Variants in MACROD2 observed in about 807,000 individuals in gnomAD.
MACROD2 encodes the protein mono-ADP ribosylhydrolase 2.
Under a neutral mutation model 70.4 loss-of-function variants are expected in MACROD2, and 36 were observed. The ratio of observed to expected loss-of-function variants is 0.51; its 90% confidence interval spans 0.39 to 0.68. MACROD2 has a LOEUF of 0.68. Ranked by LOEUF, MACROD2 falls within the 30% of genes least tolerant of loss-of-function variation. The pLI is 0.00. For missense variants in MACROD2, 496 were observed against 538.4 expected (o/e 0.92, Z 0.78); for synonymous variants, 172 against 178.8 (o/e 0.96, Z 0.30).
At chr20:14,224,103 A>T (rs1320329366) in intron 3 of MACROD2, among the ~76,000 whole-genome samples, 1 of 133,538 alleles carries the variant, frequency 7.5e-6, no homozygotes, top group Non-Finnish European at 1.6e-5. Flanking sequence ...ACTCCAAGTC[A>T]ACTGATTTAA....
At chr20:14,677,049 C>T (rs1472544391) in intron 4 of MACROD2, among the ~76,000 whole-genome samples, 1 of 152,106 alleles carries the variant, frequency 6.6e-6, no homozygotes, top group Non-Finnish European at 1.5e-5. Context: ...CATTACTGTA[C>T]AGTACCTGAT....
intron 3 of MACROD2, among the ~76,000 whole-genome samples, chr20:14,401,975 C>A (rs1046997849): frequency 1.3e-5 from 2 of 152,058 alleles, no homozygotes; most frequent in African/African-American, 2.4e-5. Context: ...TGCCAACAAA[C>A]CAGAGATTTT....
intron 10 of MACROD2, among the ~76,000 whole-genome samples, chr20:15,910,237 G>C (rs2065215936): frequency 6.6e-6 from 1 of 152,170 alleles, no homozygotes; most frequent in Non-Finnish European, 1.5e-5. Context: ...TGTCTATGCA[G>C]CTCCACTAAA....
rs745559008 is a variant in MACROD2 at position 14,326,072 on chromosome 20, T to C, written c.272-167407T>C. ...AGGTTGCTGGTTTCCATGGGAACCA[T>C]GCATACTTTATAGGGTGAATCAGGC... On this transcript the variant is annotated intron_variant, in intron 3 of 17. Transcript: ENST00000684519. This position sits in a 1 kb window ranked among gnomAD's most constrained non-coding sequence, Gnocchi z 5.5. 3.1e-6 allele frequency: 5 copies of C among 1,613,936 alleles called. No homozygotes were observed. The East Asian group carries it at 1.1e-4, about 36-fold the overall frequency.
chr20:15,903,440 G>C (rs1402951611), intron 10 of MACROD2, among the ~76,000 whole-genome samples: 1 of 152,192 alleles, frequency 6.6e-6, no homozygotes, highest in African/African-American at 2.4e-5. Context: ...GTGAAGGGGA[G>C]GAGAGTAACT....
chr20:16,022,907 T>C (rs191970361), intron 15 of MACROD2, among the ~76,000 whole-genome samples: 1 of 152,228 alleles, frequency 6.6e-6, no homozygotes, highest in Non-Finnish European at 1.5e-5. Flanking sequence ...CTTAACTGGA[T>C]CATGCTGGAC....
In MACROD2 at chr20:14,908,986, T is replaced by C. The variant is rs1245939644; in HGVS notation, c.418+224027T>C. ...GAAGGCATGATGGGTTTGAAGTGTC[T>C]ATGGGTTAGACCACTGCAGGTATGG... On this transcript the variant is annotated intron_variant, in intron 5 of 17. Coordinates refer to ENST00000684519, the MANE Select transcript of MACROD2 (RefSeq NM_001351661.2). Among the ~76,000 whole-genome samples, 6 of 152,310 alleles carry C rather than the reference T, an allele frequency of 3.9e-5. No individual in the cohort carries two copies. The East Asian group carries it at 7.7e-4, about 20-fold the overall frequency.
At chr20:15,714,509 G>A (rs2050678525) in intron 8 of MACROD2, among the ~76,000 whole-genome samples, 2 of 152,198 alleles carry the variant, frequency 1.3e-5, no homozygotes, top group Non-Finnish European at 2.9e-5. Flanking sequence ...AAGAAGAAAA[G>A]TTGGGGGATG....
At chr20:15,375,705 A>G (rs1360665359) in intron 6 of MACROD2, among the ~76,000 whole-genome samples, 1 of 152,172 alleles carries the variant, frequency 6.6e-6, no homozygotes, top group African/African-American at 2.4e-5. Flanking sequence ...TGCTTATTGC[A>G]TGTTAAGTAC....
chr20:15,908,934 G>T (rs6043612), intron 10 of MACROD2, among the ~76,000 whole-genome samples: 23 of 152,100 alleles, frequency 1.5e-4, no homozygotes, highest in Non-Finnish European at 2.6e-4. Flanking sequence ...AGCAGACAAT[G>T]GCTTGTTCCA....
chr20:15,211,705 G>A (rs1326308655), intron 5 of MACROD2, among the ~76,000 whole-genome samples: 3 of 152,108 alleles, frequency 2.0e-5, no homozygotes, highest in South Asian at 4.2e-4. Flanking sequence ...AGCAGATGCT[G>A]GTGTCGTGCT....
chr20:16,035,157 TAATATAA>T (rs1250317257), intron 15 of MACROD2, among the ~76,000 whole-genome samples: 1,650 of 84,828 alleles, frequency 0.019, 127 homozygotes, highest in South Asian at 0.065. Context: ...ATATAAAATA[TAATATAA>T]AATATAAAAT....
intron 12 of MACROD2, among the ~76,000 whole-genome samples, chr20:15,949,838 A>G (rs2065880980): frequency 6.6e-6 from 1 of 152,182 alleles, no homozygotes; most frequent in Non-Finnish European, 1.5e-5. Flanking sequence ...GAATAATTAT[A>G]CCAGAATTGA....
intron 8 of MACROD2, among the ~76,000 whole-genome samples, chr20:15,674,741 A>ATG (rs973566100): frequency 1.5e-5 from 2 of 134,226 alleles, no homozygotes; most frequent in East Asian, 2.0e-4. Context: ...GTGTGTGTCT[A>ATG]TGTGTGTGTG....
chr20:15,895,174 A>G (rs963342653), intron 10 of MACROD2, among the ~76,000 whole-genome samples: 4 of 152,178 alleles, frequency 2.6e-5, no homozygotes, highest in African/African-American at 9.7e-5. Flanking sequence ...ACTCCTTCCA[A>G]TGTGTGAAAA....
intron 2 of MACROD2, among the ~76,000 whole-genome samples, chr20:14,044,613 G>A (rs1031345454): frequency 1.1e-4 from 16 of 152,166 alleles, no homozygotes; most frequent in African/African-American, 3.1e-4. Flanking sequence ...AGTTCTCCAC[G>A]TCCCCACTAG....
rs138866852 is a variant in MACROD2, at chr20:14,753,816, C to G, written c.418+68857C>G. ...CAATCCTGCCTTATTCAGTAGAAGT[C>G]ACATTCGTTAGTGTTGAGCAATTTG... On this transcript the variant is annotated intron_variant, in intron 5 of 17. Transcript: ENST00000684519. 2.3e-3 allele frequency among the ~76,000 whole-genome samples: 345 copies of G among 152,204 alleles called. 6 individuals are homozygous for G. The highest frequency in any genetic ancestry group is 7.9e-3 in the African/African-American group (329 of 41,498).
At chr20:15,046,031 C>A (rs1019861974) in intron 5 of MACROD2, among the ~76,000 whole-genome samples, 4 of 151,882 alleles carry the variant, frequency 2.6e-5, no homozygotes, top group African/African-American at 9.7e-5. Flanking sequence ...GGCGTCCTTT[C>A]GGAGATCATC....
intron 3 of MACROD2, among the ~76,000 whole-genome samples, chr20:14,143,643 G>T (rs1265826902): frequency 3.9e-5 from 6 of 152,110 alleles, no homozygotes; most frequent in African/African-American, 1.4e-4. Flanking sequence ...TTGAATAGCA[G>T]AAGTGTATGT....
Sources: allele counts gnomAD v4.1 joint callset (sites outside exome capture counted in the v4.1 genomes callset), GRCh38; gene constraint gnomAD v4.1.1; non-coding constraint Gnocchi (gnomAD v3.1); transcripts MANE v1.5; gene names NCBI Gene and HGNC (gene_info 2026-07-23, HGNC 2026-07-21).